Variants in KIF18A observed in about 807,000 individuals in gnomAD.
KIF18A encodes kinesin family member 18A.
Under a neutral mutation model 103.3 loss-of-function variants are expected in KIF18A, and 67 were observed. The ratio of observed to expected loss-of-function variants is 0.65; its 90% confidence interval spans 0.53 to 0.79. The LOEUF (loss-of-function observed/expected upper bound fraction) is 0.79, where lower values mean the gene tolerates loss of function less well. Among genes scored for constraint, KIF18A ranks in the 30% least tolerant of loss-of-function variants. The probability of loss-of-function intolerance (pLI) is 0.00; values close to 1 mark genes in which losing one functional copy is unlikely to be tolerated. For synonymous variants in KIF18A, 367 were observed against 355.5 expected, an observed-to-expected ratio of 1.03 and a Z score of -0.36; for missense variants, 1,032 against 1,062.5, an observed-to-expected ratio of 0.97 and a Z score of 0.40.
intron 12 of KIF18A, among the ~76,000 whole-genome samples, chr11:28,060,423 A>G (rs1434249937): frequency 6.6e-6 from 1 of 152,218 alleles, no homozygotes; most frequent in East Asian, 1.9e-4. Flanking sequence ...ATATTTCAAT[A>G]GCAGCACAAG....
chr11:28,029,574 T>C (rs1439309462), intron 15 of KIF18A, among the ~76,000 whole-genome samples: 1 of 152,168 alleles, frequency 6.6e-6, no homozygotes, highest in Non-Finnish European at 1.5e-5. Flanking sequence ...GCCAATATCA[T>C]ACTGAATGTG....
chr11:28,098,531 C>A (rs1851404371), intron 1 of KIF18A, among the ~76,000 whole-genome samples: 1 of 152,120 alleles, frequency 6.6e-6, no homozygotes, highest in South Asian at 2.1e-4. Context: ...CTGGTCTCTA[C>A]CTGTATCTCA....
chr11:28,078,713 T>A (rs925651674), intron 9 of KIF18A, among the ~76,000 whole-genome samples: 1 of 152,166 alleles, frequency 6.6e-6, no homozygotes, highest in Non-Finnish European at 1.5e-5. Flanking sequence ...TTGTGTTTTC[T>A]TTTTATGATT....
chr11:28,048,011 G>A (rs115261144), intron 13 of KIF18A, among the ~76,000 whole-genome samples: 5,681 of 152,120 alleles, frequency 0.037, 140 homozygotes, highest in South Asian at 0.13. Flanking sequence ...TAGGTTGGCT[G>A]GTCTGTCTCT....
Position 28,097,620 on chromosome 11 carries a change from T to C in KIF18A, c.325+3A>G. On this transcript the variant is annotated splice_donor_region_variant and intron_variant, in intron 2 of 16. Transcript: ENST00000263181. Reference sequence around the variant, plus strand: ...AAATTAAATCCCAAATTGAAACAAATACCTGTGCAATTATATCCATTCAAA... The same window carrying C: ...AAATTAAATCCCAAATTGAAACAAACACCTGTGCAATTATATCCATTCAAA... 6.4e-7 allele frequency: 1 copy of C among 1,562,256 alleles called. No individual in the cohort carries two copies. The highest frequency in any genetic ancestry group is 8.8e-7 in the Non-Finnish European group (1 of 1,133,332).
At chr11:28,058,633 G>C (rs996103058) in intron 13 of KIF18A, among the ~76,000 whole-genome samples, 4 of 117,868 alleles carry the variant, frequency 3.4e-5, no homozygotes, top group Admixed American at 1.2e-4. Context: ...CTGGACTCCA[G>C]GCTGGGCAAC....
At chr11:28,022,161 C>T (rs1349010543) in intron 16 of KIF18A, among the ~76,000 whole-genome samples, 5 of 151,746 alleles carry the variant, frequency 3.3e-5, no homozygotes, top group Non-Finnish European at 5.9e-5. Context: ...ACTTTTTTTT[C>T]CCCATAGTAG....
In KIF18A at chr11:28,062,447, G is replaced by T; in HGVS notation, c.1660C>A (p.His554Asn). ...TGAAGACAAGCTAGATCCATCATAT[G>T]TCTAATTTGTGCTTTCAAATCTTTG... ...QNKDLKAQIR[H>N]MMDLACLQEQ... Residue 554 changes from histidine (H) to asparagine (N), a missense_variant, in exon 12 of 17, where the codon CAT becomes AAT. Transcript: ENST00000263181. 1.2e-6 allele frequency: 2 copies of T among 1,611,774 alleles called. No individual in the cohort carries two copies. The highest frequency in any genetic ancestry group is 2.2e-5 in the South Asian group (2 of 90,834).
At chr11:28,074,999 G>A (rs906057627) in intron 10 of KIF18A, among the ~76,000 whole-genome samples, 1 of 151,950 alleles carries the variant, frequency 6.6e-6, no homozygotes, top group Non-Finnish European at 1.5e-5. Flanking sequence ...CACACGTTTA[G>A]GTATATATTT....
chr11:28,068,231 T>C (rs1850962800), intron 11 of KIF18A, among the ~76,000 whole-genome samples: 1 of 151,352 alleles, frequency 6.6e-6, no homozygotes, highest in Admixed American at 6.6e-5. Context: ...TGAGAACACA[T>C]GGACACAGGG....
intron 10 of KIF18A, among the ~76,000 whole-genome samples, chr11:28,075,546 A>C (rs945162005): frequency 6.6e-6 from 1 of 152,060 alleles, no homozygotes; most frequent in African/African-American, 2.4e-5. Context: ...TTTTTACCTC[A>C]TATTTGAAAG....
intron 9 of KIF18A, among the ~76,000 whole-genome samples, chr11:28,082,205 G>A (rs1322633406): frequency 2.0e-5 from 3 of 152,132 alleles, no homozygotes; most frequent in African/African-American, 4.8e-5. Flanking sequence ...ATAGCTGATA[G>A]AGCAGTGGCA....
intron 16 of KIF18A, among the ~76,000 whole-genome samples, chr11:28,022,895 C>T (rs1850264901): frequency 6.6e-6 from 1 of 152,038 alleles, no homozygotes; most frequent in Non-Finnish European, 1.5e-5. Flanking sequence ...AGGGCATCGA[C>T]AGAAAAAAAC....
chr11:28,066,515 T>C (rs1402767765), intron 11 of KIF18A, among the ~76,000 whole-genome samples: 1 of 151,924 alleles, frequency 6.6e-6, no homozygotes, highest in East Asian at 1.9e-4. Flanking sequence ...TTGTCTTTTT[T>C]TGCTTACTCC....
At chr11:28,032,405 G>A (rs1850422987) in intron 15 of KIF18A, among the ~76,000 whole-genome samples, 1 of 151,726 alleles carries the variant, frequency 6.6e-6, no homozygotes, top group African/African-American at 2.4e-5. Context: ...ACCCAGAATA[G>A]CCAAAGCTAT....
At chr11:28,049,126 T>C (rs945098969) in intron 13 of KIF18A, among the ~76,000 whole-genome samples, 10 of 152,078 alleles carry the variant, frequency 6.6e-5, no homozygotes, top group Non-Finnish European at 1.3e-4. Flanking sequence ...ATTCATTTCT[T>C]ATGCCAAATT....
rs537134477 is a variant in KIF18A, at chr11:28,088,081, C to T, written c.897+443G>A. On this transcript the variant is annotated intron_variant, in intron 6 of 16. Transcript: ENST00000263181. ...TCATGACATTTTATAACTTAAACCC[C>T]CCTTAAAAAAAAATCAACACTCTTT... 6.0e-5 allele frequency among the ~76,000 whole-genome samples: 9 copies of T among 151,080 alleles called. No individual in the cohort carries two copies. The South Asian group carries it at 1.9e-3, about 32-fold the overall frequency.
chr11:28,096,338 T>C (rs926487351), intron 2 of KIF18A, among the ~76,000 whole-genome samples: 10 of 152,294 alleles, frequency 6.6e-5, no homozygotes, highest in Middle Eastern at 6.8e-3. Flanking sequence ...AAACCAAATG[T>C]TAACAAACCA....
intron 13 of KIF18A, among the ~76,000 whole-genome samples, chr11:28,045,851 G>GA (rs1281088519): frequency 6.6e-6 from 1 of 151,612 alleles, no homozygotes; most frequent in Non-Finnish European, 1.5e-5. Flanking sequence ...AAATTTACAA[G>GA]AAAAAAACAA....
Sources: gnomAD v4.1 joint callset for allele counts (sites outside exome capture counted in the v4.1 genomes callset) on GRCh38, gnomAD v4.1.1 for gene constraint, MANE v1.5 for transcripts, NCBI Gene and HGNC (gene_info 2026-07-23, HGNC 2026-07-21) for gene names.